Variants in BRD10 observed in about 807,000 individuals in gnomAD.
BRD10 encodes uncharacterized bromodomain-containing protein 10.
the BRD10 span, among the ~76,000 whole-genome samples, chr9:5,931,725 A>G: frequency 3.3e-5 from 5 of 152,334 alleles, no homozygotes; most frequent in Non-Finnish European, 5.9e-5. Context: ...TTATTTTCAC[A>G]ACACAAATTA....
the BRD10 span, among the ~76,000 whole-genome samples, chr9:5,890,280 A>C: frequency 6.6e-6 from 1 of 152,252 alleles, no homozygotes; most frequent in Non-Finnish European, 1.5e-5. Context: ...TGTGGATTTC[A>C]GATAAACAAA....
At chr9:5,953,976 A>C in the BRD10 span, 2 of 1,289,706 alleles carry the variant, frequency 1.6e-6, no homozygotes, top group Non-Finnish European at 2.2e-6. Context: ...ACACTGAAAC[A>C]AAAAATTGAA....
the BRD10 span, chr9:5,921,723 A>C: frequency 2.5e-6 from 4 of 1,613,884 alleles, no homozygotes; most frequent in Non-Finnish European, 2.5e-6. Context: ...TTTTGTCCAA[A>C]ATTTGCTGCT....
At chr9:5,928,393 T>C in the BRD10 span, among the ~76,000 whole-genome samples, 4 of 152,180 alleles carry the variant, frequency 2.6e-5, no homozygotes, top group Non-Finnish European at 5.9e-5. Flanking sequence ...AATCAAATCA[T>C]GTCCCTTCCC....
chr9:5,919,551 C>CAA, the BRD10 span: 3 of 631,208 alleles, frequency 4.8e-6, no homozygotes, highest in African/African-American at 5.6e-5. Flanking sequence ...AAAACACACA[C>CAA]ACACACACAC....
chr9:5,885,985 A>G, the BRD10 span, among the ~76,000 whole-genome samples: 1 of 152,220 alleles, frequency 6.6e-6, no homozygotes. Context: ...TGTTTTCCCC[A>G]AATCTTTTGA....
At chr9:5,888,732 T>C in the BRD10 span, among the ~76,000 whole-genome samples, 1 of 152,182 alleles carries the variant, frequency 6.6e-6, no homozygotes, top group Admixed American at 6.5e-5. Context: ...ACACTAGAAA[T>C]TGCCGAAGAA....
At chr9:5,968,248 C>A in the BRD10 span, 1 of 1,612,268 alleles carries the variant, frequency 6.2e-7, no homozygotes, top group Non-Finnish European at 8.5e-7. Flanking sequence ...ATAGAATATC[C>A]CTTACAACTT....
chr9:5,988,266 C>T, the BRD10 span: 42 of 1,019,706 alleles, frequency 4.1e-5, no homozygotes, highest in African/African-American at 5.5e-4. Flanking sequence ...TAGAACACTA[C>T]TAAAATGGGC....
the BRD10 span, among the ~76,000 whole-genome samples, chr9:5,997,437 A>G: frequency 2.0e-5 from 1 of 50,672 alleles, no homozygotes; most frequent in Non-Finnish European, 6.9e-5. Flanking sequence ...ACATGAAAAA[A>G]TGGGTTTTTT....
chr9:5,918,940 G>A, the BRD10 span: 6 of 151,988 alleles, frequency 3.9e-5, no homozygotes, highest in African/African-American at 1.5e-4. Context: ...ATTCTTTCTT[G>A]TAAAGGACTG....
At chr9:5,920,810 G>T in the BRD10 span, 1 of 1,613,864 alleles carries the variant, frequency 6.2e-7, no homozygotes, top group South Asian at 1.1e-5. Flanking sequence ...AGACACTACT[G>T]GTTGTGTAGT....
chr9:5,974,043 C>T, the BRD10 span, among the ~76,000 whole-genome samples: 1 of 151,838 alleles, frequency 6.6e-6, no homozygotes, highest in Non-Finnish European at 1.5e-5. Context: ...TTCAGGAAGC[C>T]CCCAAAAATA....
At chr9:5,886,313 G>A in the BRD10 span, among the ~76,000 whole-genome samples, 1 of 152,204 alleles carries the variant, frequency 6.6e-6, no homozygotes, top group Admixed American at 6.5e-5. Flanking sequence ...CCAGTCAGTG[G>A]CCAGCAAGGT....
chr9:5,912,254 T>G, the BRD10 span, among the ~76,000 whole-genome samples: 1 of 152,222 alleles, frequency 6.6e-6, no homozygotes, highest in Non-Finnish European at 1.5e-5. Context: ...ATTTATCAGT[T>G]TGAATAGTTT....
At chr9:5,920,481 G>A in the BRD10 span, 1 of 1,613,958 alleles carries the variant, frequency 6.2e-7, no homozygotes, top group Non-Finnish European at 8.5e-7. Context: ...CTGTAACTGG[G>A]GGTTTTTACT....
chr9:5,988,419 T>G, the BRD10 span: 1 of 1,613,992 alleles, frequency 6.2e-7, no homozygotes, highest in Non-Finnish European at 8.5e-7. Flanking sequence ...AAACTCCACT[T>G]GTCAAGCCTG....
At chr9:5,996,090 G>A in the BRD10 span, among the ~76,000 whole-genome samples, 1 of 152,080 alleles carries the variant, frequency 6.6e-6, no homozygotes, top group African/African-American at 2.4e-5. Context: ...TAAAACTAAA[G>A]GCGGGGGGTT....
At chr9:5,923,074 G>A in the BRD10 span, 3 of 1,613,936 alleles carry the variant, frequency 1.9e-6, no homozygotes, top group South Asian at 3.3e-5. Flanking sequence ...TTGATTCACT[G>A]AAACAGTCAA....
Sources: gnomAD v4.1 joint callset for allele counts (sites outside exome capture counted in the v4.1 genomes callset) on GRCh38, gnomAD v4.1.1 for gene constraint, MANE v1.5 for transcripts, NCBI Gene and HGNC (gene_info 2026-07-23, HGNC 2026-07-21) for gene names.